The following MYT1 variants were observed in gnomAD, a reference collection of about 807,000 sequenced individuals.
MYT1 encodes the protein myelin transcription factor I.
In MYT1, 23 loss-of-function variants were observed where a neutral mutation model predicts 123.0. The observed-to-expected ratio is 0.19, with a 90% CI of 0.13 to 0.26. MYT1 has a LOEUF of 0.26. Ranked by LOEUF, MYT1 falls within the 10% of genes least tolerant of loss-of-function variation. The pLI, the probability that MYT1 is intolerant of heterozygous loss-of-function variation, is 1.00. For synonymous variants in MYT1, 518 were observed against 575.3 expected, an observed-to-expected ratio of 0.90 and a Z score of 1.43; for missense variants, 1,125 against 1,472.5, an observed-to-expected ratio of 0.76 and a Z score of 3.86.
In MYT1 at chr20:64,219,647, A is replaced by G. The variant is rs1332765744; in HGVS notation, c.1972-66A>G. 1.3e-5 allele frequency: 18 copies of G among 1,402,840 alleles called. 1 individual carries two copies. Among genetic ancestry groups the G allele is most frequent in the Middle Eastern group, 1.8e-4 (1 of 5,554 alleles). The allele number at this position is 1,402,840 out of a possible 1,614,324, so 86.9% of individuals were successfully genotyped here. ...TTCTGGACTCTGTACGTTTGATTCA[A>G]ATGGACCAGAAGGCACACATGGGAA... On this transcript the variant is annotated intron_variant, in intron 12 of 22. Transcript: ENST00000328439.
chr20:64,194,958 T>C (rs1471279149), intron 2 of MYT1, among the ~76,000 whole-genome samples: 2 of 151,826 alleles, frequency 1.3e-5, no homozygotes, highest in East Asian at 1.9e-4. Context: ...TGCAGTGGCG[T>C]GTTCTCAGCT....
rs1190016229 is a variant in MYT1, at chr20:64,207,853, G to A, written c.657G>A (p.Glu219=). 5 of 1,613,632 alleles carry A rather than the reference G, an allele frequency of 3.1e-6. No individual in the cohort carries two copies. Among genetic ancestry groups the A allele is most frequent in the Non-Finnish European group, 4.2e-6 (5 of 1,179,898 alleles). The change falls in exon 7 of 23, where the codon GAG becomes GAA. Residue 219 remains glutamate (E), a synonymous_variant. Coordinates refer to ENST00000328439, the MANE Select transcript of MYT1 (RefSeq NM_004535.3). ...AAAAGGGCCTCTTCATCCAGCCAGA[G>A]GATGCCGAGGAGGTCGTCGAAGTCA... ...EGEKGLFIQP[E]DAEEVVEVTT...
In MYT1 at chr20:64,240,753, G is replaced by T. The variant is rs34316071; in HGVS notation, c.*305G>T. The T allele has an allele frequency of 0.035, 10,314 of 297,004 alleles. 261 individuals carry two copies. The highest frequency in any genetic ancestry group is 0.095 in the Middle Eastern group (92 of 970). 18.4% of individuals were successfully genotyped at this position (297,004 alleles called of 1,614,324 possible). ...TCTCCAGTGGAAGCTCATGGACAAGGTTCTCAGGGAAGTTTTGGAGTTTGC... is the reference window on the plus strand; with the variant it reads ...TCTCCAGTGGAAGCTCATGGACAAGTTTCTCAGGGAAGTTTTGGAGTTTGC... On this transcript the variant is annotated 3_prime_UTR_variant, in exon 23 of 23. Transcript: ENST00000328439.
Position 64,227,948 on chromosome 20 carries a change from C to T in MYT1, c.2652C>T (p.Asp884=), listed in dbSNP as rs1984217103. The change falls in exon 18 of 23, where the codon GAC becomes GAT. Residue 884 remains aspartate, a synonymous_variant. Transcript: ENST00000328439. ...TCAAGGTGGCACCCACCAAGGACGA[C>T]AAGGAGGACCCCGAGCTGATGAAGT... The part of the protein sequence containing the change: ...SGVKVAPTKD[D]KEDPELMKCP... 1.2e-6 allele frequency: 2 copies of T among 1,614,000 alleles called. No homozygotes were observed. Among genetic ancestry groups the T allele is most frequent in the African/African-American group, 1.3e-5 (1 of 74,936 alleles).
In MYT1 at chr20:64,232,579, TTA is replaced by T. The variant is rs1984354021; in HGVS notation, c.2897+196_2897+197del. On this transcript the variant is annotated intron_variant, in intron 19 of 22. Transcript: ENST00000328439. The surrounding 1 kb of genome is among the most constrained non-coding windows in gnomAD (Gnocchi z 6.9). ...TGTTGGTGCCAGGTGATGCTGTGGG[TTA>T]TGTCTTCGCCATGCGTCTCCCCTCA... 6.6e-6 allele frequency among the ~76,000 whole-genome samples: 1 copy of T among 152,102 alleles called. No homozygotes were observed. Among genetic ancestry groups the T allele is most frequent in the African/African-American group, 2.4e-5 (1 of 41,410 alleles).
chr20:64,218,464 T>A lies in MYT1; in HGVS notation c.1847-447T>A, dbSNP rs376806346. Among the ~76,000 whole-genome samples the A allele has an allele frequency of 9.8e-5, 15 of 152,306 alleles. No individual in the cohort carries two copies. Among genetic ancestry groups the A allele is most frequent in the African/African-American group, 1.7e-4 (7 of 41,554 alleles). On this transcript the variant is annotated intron_variant, in intron 11 of 22. Coordinates refer to ENST00000328439, the MANE Select transcript of MYT1 (RefSeq NM_004535.3). The surrounding 1 kb of genome is among the most constrained non-coding windows in gnomAD (Gnocchi z 4.0). The stretch of plus-strand genomic sequence containing the variant: ...CCTTTTGAGATCATGGGACAAAATT[T>A]TCCTATTTGGGCGATATGGCAAACA...
intron 1 of MYT1, among the ~76,000 whole-genome samples, chr20:64,184,747 G>A (rs1433878575): frequency 6.6e-6 from 1 of 152,248 alleles, no homozygotes; most frequent in Non-Finnish European, 1.5e-5. Flanking sequence ...TGGGGCCAAG[G>A]ATGACCCTCA....
intron 10 of MYT1, among the ~76,000 whole-genome samples, chr20:64,214,290 TC>T (rs1223943358): frequency 6.6e-6 from 1 of 151,654 alleles, no homozygotes; most frequent in Non-Finnish European, 1.5e-5. Context: ...TGCGTGCAAG[TC>T]CATGTGTATG....
chr20:64,228,138 C>A (rs536398277), intron 18 of MYT1, 167 bp downstream of exon 18: 2 of 659,942 alleles, frequency 3.0e-6, no homozygotes, highest in Non-Finnish European at 5.3e-6. Flanking sequence ...AGCTCTCATA[C>A]GCTACACGTT....
In MYT1 at chr20:64,225,362, C is replaced by T. The variant is rs573016265; in HGVS notation, c.2528+2003C>T. 3.9e-4 allele frequency among the ~76,000 whole-genome samples: 59 copies of T among 152,298 alleles called. 1 individual carries two copies. Among genetic ancestry groups the T allele is most frequent in the South Asian group, 3.3e-3 (16 of 4,826 alleles). ...CTTCCCTGTCCGCACCTGGCTGCAG[C>T]GACAGTCAGATGATGTGTGTTCTGT... On this transcript the variant is annotated intron_variant, in intron 16 of 22. Transcript: ENST00000328439.
In MYT1 at chr20:64,201,916, G is replaced by A. The variant is rs868201362; in HGVS notation, c.86+1994G>A. ...GAACCCCCGTGTGTCGGGAACCCCC[G>A]CGTGTCGGGAACCCCCGCGTGTCGG... On this transcript the variant is annotated intron_variant, in intron 4 of 22. Transcript: ENST00000328439. Among the ~76,000 whole-genome samples the A allele has an allele frequency of 7.2e-5, 10 of 138,596 alleles. No individual in the cohort carries two copies. In the East Asian group the frequency reaches 1.2e-3, roughly 16 times the overall value. 90.9% of individuals were successfully genotyped at this position (138,596 alleles called of 152,430 possible).
At chr20:64,178,896 G>A (rs1217692941) in intron 1 of MYT1, among the ~76,000 whole-genome samples, 3 of 132,914 alleles carry the variant, frequency 2.3e-5, no homozygotes, top group African/African-American at 9.0e-5. Flanking sequence ...CCGTTATTCA[G>A]TGGGATGCCC....
At chr20:64,216,496 C>T (rs1292979437) in intron 10 of MYT1, among the ~76,000 whole-genome samples, 3 of 152,326 alleles carry the variant, frequency 2.0e-5, no homozygotes, top group African/African-American at 2.4e-5. Flanking sequence ...CACCTCAACA[C>T]AGCTTTAAGA....
At chr20:64,221,112 C>T (rs920944799) in intron 13 of MYT1, among the ~76,000 whole-genome samples, 1 of 152,176 alleles carries the variant, frequency 6.6e-6, no homozygotes, top group East Asian at 1.9e-4. Flanking sequence ...CCTCATTTGA[C>T]CCCCAAAAAC....
chr20:64,236,068 C>T (rs1199443115), intron 19 of MYT1, among the ~76,000 whole-genome samples: 1 of 79,452 alleles, frequency 1.3e-5, no homozygotes, highest in Non-Finnish European at 2.3e-5. Flanking sequence ...TGACCCTGGG[C>T]TGGCCGTGGT....
intron 3 of MYT1, 104 bp from the exon 4 acceptor site, chr20:64,199,788 C>T: frequency 7.3e-7 from 1 of 1,378,352 alleles, no homozygotes. Context: ...TCCACTCGTC[C>T]TTGGCAAACC....
chr20:64,240,268 G>A lies in MYT1; in HGVS notation c.3238-52G>A, dbSNP rs901944856. 5.6e-6 allele frequency: 9 copies of A among 1,595,412 alleles called. No homozygotes were observed. The East Asian group carries it at 8.9e-5, about 16-fold the overall frequency. ...TGATGCTCCCACATCAGGCTCTGCG[G>A]TGTGGGGCCCACTGCATGGACGGAG... is the stretch of plus-strand genomic sequence containing the variant. On this transcript the variant is annotated intron_variant, in intron 22 of 22. Coordinates refer to ENST00000328439, the MANE Select transcript of MYT1 (RefSeq NM_004535.3).
In MYT1 at chr20:64,207,649, C is replaced by G. The variant is rs752659078; in HGVS notation, c.453C>G (p.Ala151=). ...FGSNPIGSAT[A]SSKGSYSSYQ... is the part of the protein sequence containing the mutation. ...CCAACCCCATCGGCAGCGCCACTGC[C>G]TCCTCCAAGGGCAGCTACAGCAGCT... Residue 151 remains alanine, a synonymous_variant, in exon 7 of 23, where the codon GCC becomes GCG. Transcript: ENST00000328439. 1.5e-5 allele frequency: 24 copies of G among 1,613,920 alleles called. No individual in the cohort carries two copies. The highest frequency in any genetic ancestry group is 4.0e-5 in the African/African-American group (3 of 74,928).
chr20:64,194,597 G>C (rs561903328), intron 2 of MYT1, among the ~76,000 whole-genome samples: 4 of 152,236 alleles, frequency 2.6e-5, no homozygotes, highest in Non-Finnish European at 5.9e-5. Context: ...GGTTGAGGGA[G>C]GAAGCTGTTC....
Sources: allele counts gnomAD v4.1 joint callset (sites outside exome capture counted in the v4.1 genomes callset), GRCh38; gene constraint gnomAD v4.1.1; non-coding constraint Gnocchi (gnomAD v3.1); transcripts MANE v1.5; gene names NCBI Gene and HGNC (gene_info 2026-07-23, HGNC 2026-07-21).